ARMC1: variants seen among roughly 807,000 people sequenced by gnomAD.
ARMC1 encodes the protein armadillo repeat containing 1.
In ARMC1, 16 loss-of-function variants were observed where a neutral mutation model predicts 31.4. The observed-to-expected ratio is 0.51, with a 90% CI of 0.34 to 0.77. The LOEUF (loss-of-function observed/expected upper bound fraction) is 0.77, where lower values mean the gene tolerates loss of function less well. Ranked by LOEUF, ARMC1 falls within the 30% of genes least tolerant of loss-of-function variation. The pLI, the probability that ARMC1 is intolerant of heterozygous loss-of-function variation, is 0.01. For synonymous variants in ARMC1, 114 were observed against 118.9 expected (o/e 0.96, Z 0.27); for missense variants, 259 against 347.5 (o/e 0.75, Z 2.02).
chr8:65,615,679 C>G (rs1170230004), intron 3 of ARMC1, among the ~76,000 whole-genome samples: 1 of 151,864 alleles, frequency 6.6e-6, no homozygotes, highest in African/African-American at 2.4e-5. Context: ...TGCACGCCAG[C>G]CTGGGTGACA....
intron 1 of ARMC1, among the ~76,000 whole-genome samples, chr8:65,631,951 T>A (rs1424447247): frequency 2.0e-5 from 3 of 151,952 alleles, no homozygotes. Context: ...ATTTCAGGAT[T>A]CAGTCTATCC....
intron 1 of ARMC1, among the ~76,000 whole-genome samples, chr8:65,630,936 T>C (rs75685851): frequency 1.2e-3 from 190 of 152,370 alleles, no homozygotes; most frequent in Non-Finnish European, 2.2e-3. Context: ...GTTGGTGCTC[T>C]GTATCCACAG....
rs1452294826 is a variant in ARMC1 at position 65,628,959 on chromosome 8, G to GGTGGATCA, written c.-35-1527_-35-1526insTGATCCAC. ...ACCTGATGTCAGGAGTTCAAGACCA[G>GGTGGATCA]CCTGGTCAACATGGTGAAACCCTGT... On this transcript the variant is annotated intron_variant, in intron 1 of 6. Transcript: ENST00000276569. 3.3e-3 allele frequency among the ~76,000 whole-genome samples: 495 copies of GGTGGATCA among 152,152 alleles called. 3 individuals are homozygous for GGTGGATCA. Among genetic ancestry groups the GGTGGATCA allele is most frequent in the African/African-American group, 0.011 (468 of 41,514 alleles).
At chr8:65,606,574 T>G (rs964394082) in intron 4 of ARMC1, among the ~76,000 whole-genome samples, 1 of 152,168 alleles carries the variant, frequency 6.6e-6, no homozygotes, top group Non-Finnish European at 1.5e-5. Context: ...GGGTTAGACA[T>G]ACCCTCTGTG....
chr8:65,604,278 G>C lies in ARMC1; in HGVS notation c.*116C>G. 1.1e-6 allele frequency: 1 copy of C among 931,342 alleles called. No individual in the cohort carries two copies. The highest frequency in any genetic ancestry group is 1.6e-6 in the Non-Finnish European group (1 of 618,344). 57.7% of individuals were successfully genotyped at this position (931,342 alleles called of 1,614,324 possible). A position where few individuals can be genotyped will look rare whatever the true frequency, so the allele number is the denominator to read the frequency against. On this transcript the variant is annotated 3_prime_UTR_variant, in exon 7 of 7. Coordinates refer to ENST00000276569, the MANE Select transcript of ARMC1 (RefSeq NM_018120.6). ...AACGTGAAATGCAGCATATGCGATC[G>C]TGTAATCTAAAAACTTTTCATGATA...
In ARMC1 at chr8:65,630,411, G is replaced by A. The variant is rs895865379; in HGVS notation, c.-35-2978C>T. Among the ~76,000 whole-genome samples the A allele has an allele frequency of 5.9e-5, 9 of 152,150 alleles. 1 individual carries two copies. The highest frequency in any genetic ancestry group is 5.9e-4 in the Admixed American group (9 of 15,270). ...ACAACGCTGGCCTTGAAACTGAAGA[G>A]TTCCATTCTCATTCAAGGAGCCATT... is the stretch of plus-strand genomic sequence containing the variant. On this transcript the variant is annotated intron_variant, in intron 1 of 6. Coordinates refer to ENST00000276569, the MANE Select transcript of ARMC1 (RefSeq NM_018120.6).
chr8:65,621,406 T>C (rs1232773821), intron 3 of ARMC1, among the ~76,000 whole-genome samples: 1 of 152,206 alleles, frequency 6.6e-6, no homozygotes, highest in Non-Finnish European at 1.5e-5. Context: ...ATTTTAATTA[T>C]AAACTTAAGA....
intron 2 of ARMC1, among the ~76,000 whole-genome samples, chr8:65,626,781 G>A (rs1808519677): frequency 6.6e-6 from 1 of 152,060 alleles, no homozygotes; most frequent in African/African-American, 2.4e-5. Flanking sequence ...AACACTTTGG[G>A]AGGCCAAAGT....
Position 65,604,265 on chromosome 8 carries a change from A to C in ARMC1, c.*129T>G. The C allele has an allele frequency of 1.3e-6, 1 of 774,786 alleles. No individual in the cohort carries two copies. The highest frequency in any genetic ancestry group is 2.0e-6 in the Non-Finnish European group (1 of 489,252). The allele number at this position is 774,786 out of a possible 1,614,324, so 48.0% of individuals were successfully genotyped here. On this transcript the variant is annotated 3_prime_UTR_variant, in exon 7 of 7. Coordinates refer to ENST00000276569, the MANE Select transcript of ARMC1 (RefSeq NM_018120.6). ...AAATGTCCAATAAAACGTGAAATGC[A>C]GCATATGCGATCGTGTAATCTAAAA...
At chr8:65,613,527 T>A in intron 3 of ARMC1, 94 bp from the exon 4 acceptor site, 1 of 798,550 alleles carries the variant, frequency 1.3e-6, no homozygotes, top group Non-Finnish European at 1.9e-6. Context: ...TCTTTTACTC[T>A]AATGCCTTGT....
chr8:65,627,499 C>T, intron 1 of ARMC1, 66 bp from the exon 2 acceptor site: 1 of 895,194 alleles, frequency 1.1e-6, no homozygotes. Context: ...TGTGAAATAA[C>T]CAGGATTACA....
chr8:65,632,005 ATTTTAT>A (rs1808655191), intron 1 of ARMC1, among the ~76,000 whole-genome samples: 1 of 152,034 alleles, frequency 6.6e-6, no homozygotes, highest in Non-Finnish European at 1.5e-5. Context: ...AATAATTTTT[ATTTTAT>A]TTTTAAGATA....
chr8:65,614,623 T>C lies in ARMC1; in HGVS notation c.276-1190A>G, dbSNP rs547381552. 1.3e-4 allele frequency among the ~76,000 whole-genome samples: 20 copies of C among 152,338 alleles called. No individual in the cohort carries two copies. In the South Asian group the frequency reaches 3.5e-3, roughly 27 times the overall value. ...TTAATGTACACTCAAGGCCTTAAAA[T>C]CTGGCCCCATTTGGCTATCTCCATC... On this transcript the variant is annotated intron_variant, in intron 3 of 6. Transcript: ENST00000276569.
At chr8:65,624,744 C>T (rs1379720119) in intron 2 of ARMC1, among the ~76,000 whole-genome samples, 1 of 149,288 alleles carries the variant, frequency 6.7e-6, no homozygotes, top group East Asian at 2.2e-4. Context: ...GTAAAACCTA[C>T]AGCAACCACT....
At chr8:65,605,775 A>G (rs890659517) in intron 4 of ARMC1, among the ~76,000 whole-genome samples, 3 of 151,310 alleles carry the variant, frequency 2.0e-5, no homozygotes, top group South Asian at 2.1e-4. Flanking sequence ...TGTAGTTTTA[A>G]TAATTTTTTA....
chr8:65,627,055 AACAGACC>A (rs1808526158), intron 2 of ARMC1, among the ~76,000 whole-genome samples, 154 bp downstream of exon 2: 1 of 152,106 alleles, frequency 6.6e-6, no homozygotes, highest in Non-Finnish European at 1.5e-5. Context: ...CACTGGTGTA[AACAGACC>A]ACAGACCACA....
Position 65,612,470 on chromosome 8 carries a change from G to GA in ARMC1, c.465+773dup, listed in dbSNP as rs1350658302. The stretch of plus-strand genomic sequence containing the variant: ...GACCCTGTCCCTGAAAAAAGAAAAG[G>GA]AAAAAAAAAGAAATGTGTCACTTAG... On this transcript the variant is annotated intron_variant, in intron 4 of 6. Transcript: ENST00000276569. Among the ~76,000 whole-genome samples, 6 of 149,974 alleles carry GA rather than the reference G, an allele frequency of 4.0e-5. No individual in the cohort carries two copies. The South Asian group carries it at 8.4e-4, about 21-fold the overall frequency.
intron 1 of ARMC1, among the ~76,000 whole-genome samples, chr8:65,633,169 G>A (rs1055360772): frequency 6.6e-6 from 1 of 152,156 alleles, no homozygotes; most frequent in Non-Finnish European, 1.5e-5. Context: ...TTTCCTTCTC[G>A]TACAGTCAAG....
At chr8:65,627,460 TCTA>T (rs2129044115) in intron 1 of ARMC1, 27 bp from the exon 2 acceptor site, 1 of 1,381,020 alleles carries the variant, frequency 7.2e-7, no homozygotes, top group South Asian at 1.6e-5. Flanking sequence ...CAGAATTAGT[TCTA>T]GGCTGCTGAG....
Sources: gnomAD v4.1 joint callset for allele counts (sites outside exome capture counted in the v4.1 genomes callset) on GRCh38, gnomAD v4.1.1 for gene constraint, MANE v1.5 for transcripts, NCBI Gene and HGNC (gene_info 2026-07-23, HGNC 2026-07-21) for gene names.